The following BLZF1 variants were observed in gnomAD, a reference collection of about 807,000 sequenced individuals.
The protein encoded by BLZF1 is basic leucine zipper nuclear factor 1, also known as golgin-45.
In BLZF1, 39 loss-of-function variants were observed where a neutral mutation model predicts 43.8. The observed-to-expected ratio is 0.89, with a 90% CI of 0.69 to 1.16. The LOEUF is 1.16. Ranked by LOEUF, BLZF1 falls within the 50% of genes most tolerant of loss-of-function variation. The pLI is 0.00. For synonymous variants in BLZF1, 136 were observed against 159.4 expected, an observed-to-expected ratio of 0.85 and a Z score of 1.11; for missense variants, 449 against 469.8, an observed-to-expected ratio of 0.96 and a Z score of 0.41.
chr1:169,386,630 G>A (rs1400703486), intron 6 of BLZF1, among the ~76,000 whole-genome samples: 2 of 143,728 alleles, frequency 1.4e-5, no homozygotes, highest in Admixed American at 7.3e-5. Context: ...AGTGAGCCGA[G>A]ATCGCGCCAC....
chr1:169,384,373 C>T (rs1654612602), intron 6 of BLZF1, among the ~76,000 whole-genome samples: 1 of 152,142 alleles, frequency 6.6e-6, no homozygotes, highest in Non-Finnish European at 1.5e-5. Flanking sequence ...TGCCCCCTCA[C>T]TGATATCCCT....
intron 5 of BLZF1, among the ~76,000 whole-genome samples, chr1:169,381,575 G>A (rs755416581): frequency 6.6e-6 from 1 of 151,974 alleles, no homozygotes; most frequent in Non-Finnish European, 1.5e-5. Context: ...AGAACCATTA[G>A]CCAAAACCCA....
chr1:169,390,094 G>T (rs147688055), downstream of BLZF1, among the ~76,000 whole-genome samples: 275 of 152,042 alleles, frequency 1.8e-3, 1 homozygote, highest in African/African-American at 6.2e-3. Context: ...ATTTAAAATG[G>T]TAAATTTTAC....
chr1:169,377,172 T>C, intron 3 of BLZF1, 193 bp downstream of exon 3: 2 of 568,806 alleles, frequency 3.5e-6, no homozygotes, highest in South Asian at 5.3e-5. Context: ...GAACTTATAC[T>C]CTAAACCTCA....
chr1:169,391,990 T>G (rs1654826204), downstream of BLZF1, among the ~76,000 whole-genome samples: 1 of 152,206 alleles, frequency 6.6e-6, no homozygotes, highest in African/African-American at 2.4e-5. Flanking sequence ...TAGGCAAAAC[T>G]CTTGATGGGC....
intron 4 of BLZF1, 151 bp downstream of exon 4, chr1:169,378,680 A>T (rs1654439813): frequency 4.4e-6 from 3 of 675,360 alleles, no homozygotes; most frequent in Non-Finnish European, 7.5e-6. Flanking sequence ...TCTCCTCTGG[A>T]TAGTCACACA....
intron 4 of BLZF1, among the ~76,000 whole-genome samples, chr1:169,378,879 A>T (rs906499869): frequency 2.6e-5 from 4 of 152,000 alleles, no homozygotes; most frequent in Non-Finnish European, 4.4e-5. Context: ...CCCCAAGATA[A>T]TATTATTCAT....
chr1:169,379,903 C>T (rs1217569150), intron 4 of BLZF1, among the ~76,000 whole-genome samples: 3 of 151,718 alleles, frequency 2.0e-5, no homozygotes, highest in Admixed American at 1.3e-4. Context: ...TAGAAAAGTT[C>T]GTATTCAGTA....
chr1:169,383,316 A>G (rs902089884), intron 6 of BLZF1, among the ~76,000 whole-genome samples: 4 of 150,874 alleles, frequency 2.7e-5, no homozygotes, highest in Non-Finnish European at 5.9e-5. Flanking sequence ...TCCTAAGCAT[A>G]CCTCCCCTCT....
rs1013751094 is a variant in BLZF1, at chr1:169,377,376, C to T, written c.468+397C>T. On this transcript the variant is annotated intron_variant, in intron 3 of 6. Transcript: ENST00000367808. The stretch of plus-strand genomic sequence containing the variant: ...GGGATACTTGGAATAAAGAGAATGG[C>T]GATATAACTTACTGTGTCTTCATTG... 3 of 177,272 alleles carry T rather than the reference C, an allele frequency of 1.7e-5. No individual in the cohort carries two copies. The East Asian group carries it at 4.4e-4, about 26-fold the overall frequency. 11.0% of individuals were successfully genotyped at this position (177,272 alleles called of 1,614,324 possible).
Position 169,387,089 on chromosome 1 carries a change from G to C in BLZF1, c.1110G>C (p.Lys370Asn), listed in dbSNP as rs148163554. 8.0e-4 allele frequency: 1,295 copies of C among 1,613,406 alleles called. 9 individuals are homozygous for C. The African/African-American group carries it at 0.016, about 19-fold the overall frequency. The change falls in exon 7 of 7, where the codon AAG (lysine) becomes AAC (asparagine). Residue 370 changes from lysine to asparagine, a missense_variant. Transcript: ENST00000367808. ...ESSPTTLLATKKNIGRFHPYT... is the reference protein window; with the variant it reads ...ESSPTTLLATNKNIGRFHPYT... The stretch of plus-strand genomic sequence containing the variant: ...CACCAACCACCTTACTTGCTACAAA[G>C]AAAAATATTGGACGATTTCATCCCT...
chr1:169,376,378 CT>C (rs1368248301), intron 2 of BLZF1, among the ~76,000 whole-genome samples, 161 bp from the exon 3 acceptor site: 1 of 151,886 alleles, frequency 6.6e-6, no homozygotes, highest in Non-Finnish European at 1.5e-5. Flanking sequence ...AAACATGTAT[CT>C]TTTGTTGACA....
intron 2 of BLZF1, among the ~76,000 whole-genome samples, chr1:169,375,329 CACAT>C (rs1483824657): frequency 2.2e-5 from 3 of 136,374 alleles, no homozygotes; most frequent in East Asian, 2.0e-4. Flanking sequence ...ATTACACACA[CACAT>C]ATATATATAA....
At chr1:169,383,407 A>G (rs1654581330) in intron 6 of BLZF1, among the ~76,000 whole-genome samples, 1 of 152,158 alleles carries the variant, frequency 6.6e-6, no homozygotes, top group Admixed American at 6.5e-5. Flanking sequence ...TCCAAGCATC[A>G]TTCATCTAAA....
downstream of BLZF1, among the ~76,000 whole-genome samples, chr1:169,390,761 C>T (rs971630769): frequency 3.3e-5 from 5 of 152,016 alleles, no homozygotes; most frequent in African/African-American, 1.2e-4. Flanking sequence ...CTTAAAAAAC[C>T]CAGAGTAGCT....
chr1:169,382,349 A>G, intron 6 of BLZF1, 68 bp downstream of exon 6: 5 of 1,408,410 alleles, frequency 3.6e-6, no homozygotes, highest in Non-Finnish European at 4.9e-6. Context: ...GTGACATATC[A>G]TGGAAAGCAT....
chr1:169,389,161 G>C (rs1220937885), downstream of BLZF1, among the ~76,000 whole-genome samples: 2 of 151,496 alleles, frequency 1.3e-5, no homozygotes, highest in Non-Finnish European at 2.9e-5. Flanking sequence ...GTGTGTGGTA[G>C]TGGACGCCTG....
intron 2 of BLZF1, among the ~76,000 whole-genome samples, chr1:169,375,549 CTTA>C (rs1190457641): frequency 1.3e-5 from 2 of 149,676 alleles, no homozygotes; most frequent in Non-Finnish European, 3.0e-5. Flanking sequence ...TACCTGCACA[CTTA>C]TTATATATTA....
intron 2 of BLZF1, among the ~76,000 whole-genome samples, chr1:169,373,975 T>C (rs908674137): frequency 3.3e-5 from 5 of 152,100 alleles, no homozygotes; most frequent in African/African-American, 1.2e-4. Context: ...AATTTATAGT[T>C]AATACATGAT....
Sources: allele counts gnomAD v4.1 joint callset (sites outside exome capture counted in the v4.1 genomes callset), GRCh38; gene constraint gnomAD v4.1.1; transcripts MANE v1.5; gene names NCBI Gene and HGNC (gene_info 2026-07-23, HGNC 2026-07-21).